DCLK2: variants seen among roughly 807,000 people sequenced by gnomAD.
DCLK2 encodes serine/threonine-protein kinase DCLK2.
DCLK2 carries 31 observed loss-of-function variants against 78.4 expected under a neutral mutation model. The observed-to-expected ratio is 0.40, with a 90% CI of 0.30 to 0.53. The LOEUF (loss-of-function observed/expected upper bound fraction) is 0.53, where lower values mean the gene tolerates loss of function less well. Among genes scored for constraint, DCLK2 ranks in the 20% least tolerant of loss-of-function variants. The pLI is 0.61. For synonymous variants in DCLK2, 407 were observed against 374.9 expected (o/e 1.09, Z -0.99); for missense variants, 872 against 973.7 (o/e 0.90, Z 1.39).
At chr4:150,144,112 T>C (rs977390632) in intron 2 of DCLK2, among the ~76,000 whole-genome samples, 1 of 152,208 alleles carries the variant, frequency 6.6e-6, no homozygotes, top group African/African-American at 2.4e-5. Flanking sequence ...ATAAATTCTT[T>C]AATATTTGTT....
rs1007581633 is a variant in DCLK2, at chr4:150,093,682, A to G, written c.422-8796A>G. Among the ~76,000 whole-genome samples, 17 of 152,342 alleles carry G rather than the reference A, an allele frequency of 1.1e-4. 1 individual carries two copies. The East Asian group carries it at 2.7e-3, about 24-fold the overall frequency. ...CAGGCATAAACCACGCCCAGCCTCA[A>G]TGGCATTTTTTACAGAAATAGAAAA... On this transcript the variant is annotated intron_variant, in intron 1 of 15. Transcript: ENST00000296550.
intron 10 of DCLK2, among the ~76,000 whole-genome samples, chr4:150,237,553 A>G (rs1037257342): frequency 1.3e-5 from 2 of 152,216 alleles, no homozygotes; most frequent in Non-Finnish European, 2.9e-5. Flanking sequence ...ATGGATAAGG[A>G]CATCACAGGT....
At chr4:150,174,891 A>T (rs534728940) in intron 2 of DCLK2, among the ~76,000 whole-genome samples, 2 of 145,958 alleles carry the variant, frequency 1.4e-5, no homozygotes. Flanking sequence ...CCAGCTACTC[A>T]GGAGGCTGAG....
chr4:150,079,093 G>A lies in DCLK2; in HGVS notation c.66G>A (p.Gly22=). 1 of 1,564,888 alleles carries A rather than the reference G, an allele frequency of 6.4e-7. No homozygotes were observed. The highest frequency in any genetic ancestry group is 8.6e-7 in the Non-Finnish European group (1 of 1,158,962). Residue 22 remains glycine, a synonymous_variant, in exon 1 of 16, where the codon GGG becomes GGA. Coordinates refer to ENST00000296550, the MANE Select transcript of DCLK2 (RefSeq NM_001040260.4). ...AACGGGACAAAAGGCCGCGGCCGGG[G>A]TCGCGGAGAGGGGCCCCCAGCTCCT... ...FEERDKRPRP[G]SRRGAPSSSG...
At chr4:150,145,399 A>G (rs933741029) in intron 2 of DCLK2, among the ~76,000 whole-genome samples, 1 of 152,192 alleles carries the variant, frequency 6.6e-6, no homozygotes, top group Admixed American at 6.5e-5. Context: ...AGATGATGAT[A>G]ATAAAAAGGT....
chr4:150,253,760 T>C (rs894660621), intron 15 of DCLK2: 6 of 985,352 alleles, frequency 6.1e-6, no homozygotes, highest in Non-Finnish European at 7.2e-6. Flanking sequence ...CCACACTGCC[T>C]GCCTTTCCAG....
intron 15 of DCLK2, among the ~76,000 whole-genome samples, chr4:150,250,677 C>T (rs1320083091): frequency 6.6e-6 from 1 of 151,708 alleles, no homozygotes; most frequent in Non-Finnish European, 1.5e-5. Flanking sequence ...ACCTCCACAG[C>T]TCCGTCACTC....
intron 10 of DCLK2, among the ~76,000 whole-genome samples, chr4:150,236,286 G>A (rs1359940402): frequency 6.6e-6 from 1 of 152,188 alleles, no homozygotes; most frequent in Non-Finnish European, 1.5e-5. Context: ...GCAGGCTGTA[G>A]TCAGGGTTCT....
At chr4:150,155,370 C>T (rs146100273) in intron 2 of DCLK2, among the ~76,000 whole-genome samples, 3 of 152,192 alleles carry the variant, frequency 2.0e-5, no homozygotes, top group Non-Finnish European at 2.9e-5. Flanking sequence ...TATTTTCCTT[C>T]TGTATACAAG....
intron 12 of DCLK2, 64 bp downstream of exon 12, chr4:150,240,540 T>C: frequency 2.7e-6 from 4 of 1,465,830 alleles, no homozygotes; most frequent in Non-Finnish European, 3.7e-6. Context: ...CAGAAGCAGG[T>C]ACTTTGCTCC....
chr4:150,083,311 A>G (rs535095421), intron 1 of DCLK2, among the ~76,000 whole-genome samples: 6 of 152,304 alleles, frequency 3.9e-5, no homozygotes, highest in South Asian at 2.1e-4. Context: ...TGTTATTTCT[A>G]CCTTTTATCC....
chr4:150,120,434 A>G (rs773772276), intron 2 of DCLK2, among the ~76,000 whole-genome samples: 31 of 152,114 alleles, frequency 2.0e-4, no homozygotes, highest in Non-Finnish European at 3.5e-4. Context: ...TGATTTCTCT[A>G]GAGAGAAAAG....
At chr4:150,125,856 A>G (rs139279083) in intron 2 of DCLK2, among the ~76,000 whole-genome samples, 26 of 152,126 alleles carry the variant, frequency 1.7e-4, no homozygotes, top group African/African-American at 5.5e-4. Flanking sequence ...GAGCCACTAC[A>G]CTCCAGCCTG....
At position 150,232,394 on chromosome 4, in the gene DCLK2, A is replaced by G; in HGVS notation, c.1357A>G (p.Ile453Val). Residue 453 changes from isoleucine (I) to valine (V), a missense_variant, in exon 9 of 16, where the codon ATT becomes GTT. By Grantham distance (29) the Ile-to-Val change is conservative. Coordinates refer to ENST00000296550, the MANE Select transcript of DCLK2 (RefSeq NM_001040260.4). ...GCGCCGAGTGAAACATCCCAATATC[A>G]TTATGCTGGTCGAGGAGATGGAAAC... The part of the protein sequence containing the change: ...ILRRVKHPNI[I>V]MLVEEMETAT... 3 of 1,614,136 alleles carry G rather than the reference A, an allele frequency of 1.9e-6. No homozygotes were observed. Among genetic ancestry groups the G allele is most frequent in the Non-Finnish European group, 2.5e-6 (3 of 1,180,006 alleles).
chr4:150,214,780 G>A (rs1189402332), intron 5 of DCLK2, among the ~76,000 whole-genome samples: 1 of 151,970 alleles, frequency 6.6e-6, no homozygotes, highest in Non-Finnish European at 1.5e-5. Flanking sequence ...TGGCCAACAT[G>A]ATGAAACCCC....
intron 2 of DCLK2, among the ~76,000 whole-genome samples, chr4:150,146,170 C>T (rs903305529): frequency 4.6e-5 from 7 of 152,190 alleles, no homozygotes; most frequent in Non-Finnish European, 8.8e-5. Flanking sequence ...TTTACTATGA[C>T]AAGATCTGCA....
At chr4:150,117,016 G>T (rs961377003) in intron 2 of DCLK2, among the ~76,000 whole-genome samples, 1 of 152,124 alleles carries the variant, frequency 6.6e-6, no homozygotes, top group Non-Finnish European at 1.5e-5. Flanking sequence ...GCTTCCAAAA[G>T]TTTCTGTTCT....
chr4:150,214,087 T>C (rs1421685207), intron 5 of DCLK2, among the ~76,000 whole-genome samples: 1 of 152,216 alleles, frequency 6.6e-6, no homozygotes, highest in Non-Finnish European at 1.5e-5. Flanking sequence ...ACCATGTGGG[T>C]GTCCTCCTTC....
intron 3 of DCLK2, among the ~76,000 whole-genome samples, chr4:150,196,495 C>T (rs544875301): frequency 6.6e-6 from 1 of 152,296 alleles, no homozygotes; most frequent in East Asian, 1.9e-4. Context: ...TAGTGTACTT[C>T]ACTTGTCAGT....
Sources: allele counts gnomAD v4.1 joint callset (sites outside exome capture counted in the v4.1 genomes callset), GRCh38; gene constraint gnomAD v4.1.1; transcripts MANE v1.5; gene names NCBI Gene and HGNC (gene_info 2026-07-23, HGNC 2026-07-21).